Variants in RNF17 observed in about 807,000 individuals in gnomAD.
RNF17 encodes ring finger protein 17.
Under a neutral mutation model 200.5 loss-of-function variants are expected in RNF17, and 31 were observed. That is an observed-to-expected ratio of 0.15 (90% confidence interval 0.12 to 0.21). The LOEUF is 0.21. Among genes scored for constraint, RNF17 ranks in the 10% least tolerant of loss-of-function variants. The pLI is 1.00. For synonymous variants in RNF17, 606 were observed against 637.8 expected (o/e 0.95, Z 0.75); for missense variants, 1,628 against 1,905.1 (o/e 0.85, Z 2.71).
At chr13:24,881,733 T>TATCTA (rs1245713117), downstream of RNF17, among the ~76,000 whole-genome samples, 1 of 147,828 alleles carries the variant, frequency 6.8e-6, no homozygotes, top group African/African-American at 2.5e-5. Context: ...CTATCTAGAT[T>TATCTA]ATCTAGATCA....
chr13:24,864,244 G>A (rs1398454703), intron 28 of RNF17, among the ~76,000 whole-genome samples: 2 of 152,218 alleles, frequency 1.3e-5, no homozygotes, highest in African/African-American at 4.8e-5. Flanking sequence ...TGCATTGGCA[G>A]AAGAGGGAAT....
At chr13:24,852,230 C>G (rs1019043039) in intron 24 of RNF17, among the ~76,000 whole-genome samples, 6 of 151,660 alleles carry the variant, frequency 4.0e-5, no homozygotes, top group Admixed American at 2.6e-4. Flanking sequence ...GCTCCACCTC[C>G]CAGGTTCACG....
chr13:24,853,923 A>G lies in RNF17; in HGVS notation c.3389A>G (p.Asp1130Gly). 1.2e-6 allele frequency: 2 copies of G among 1,613,892 alleles called. No individual in the cohort carries two copies. Among genetic ancestry groups the G allele is most frequent in the Non-Finnish European group, 1.7e-6 (2 of 1,179,796 alleles). The change falls in exon 25 of 36, where the codon GAT (aspartate) becomes GGT (glycine). Residue 1130 changes from aspartate (D) to glycine (G), a missense_variant. Physicochemically the swap from Asp to Gly is moderately conservative, Grantham distance 94. Around this residue, in one of 5 missense-constraint regions of RNF17, gnomAD observed 609 missense variants for 681.9 expected, o/e 0.89. Coordinates refer to ENST00000255324, the MANE Select transcript of RNF17 (RefSeq NM_031277.3). ...CTGGAAGTCCCCCTGGAACAGGAAG[A>G]TTCAGTAGTTACTAACTGTATTAAA... ...KSLEVPLEQE[D>G]SVVTNCIKTN...
chr13:24,870,455 G>GT, intron 31 of RNF17, 116 bp from the exon 32 acceptor site: 1 of 746,852 alleles, frequency 1.3e-6, no homozygotes, highest in Non-Finnish European at 2.3e-6. Context: ...ATATCAGGAG[G>GT]TGTAGGGGTC....
chr13:24,848,664 A>G lies in RNF17; in HGVS notation c.3102-1677A>G, dbSNP rs549221990. On this transcript the variant is annotated intron_variant, in intron 22 of 35. Transcript: ENST00000255324. ...GGTGACACAGTGAGACTCTGTCTCA[A>G]AAAAATAAATAAAAAAATCACATTG... Among the ~76,000 whole-genome samples, 3 of 152,290 alleles carry G rather than the reference A, an allele frequency of 2.0e-5. No individual in the cohort carries two copies. The South Asian group carries it at 6.2e-4, about 32-fold the overall frequency.
intron 22 of RNF17, 83 bp downstream of exon 22, chr13:24,845,162 C>A: frequency 1.3e-6 from 1 of 762,788 alleles, no homozygotes; most frequent in Non-Finnish European, 2.1e-6. Context: ...CTAAGATATT[C>A]TGAAATTTTC....
chr13:24,822,503 C>T (rs1050330436), intron 15 of RNF17, among the ~76,000 whole-genome samples: 6 of 151,854 alleles, frequency 4.0e-5, no homozygotes, highest in South Asian at 2.1e-4. Flanking sequence ...CTGACTGCAA[C>T]GTGCACCTCC....
At chr13:24,789,141 C>T (rs1883515310) in intron 7 of RNF17, among the ~76,000 whole-genome samples, 1 of 152,074 alleles carries the variant, frequency 6.6e-6, no homozygotes, top group Admixed American at 6.6e-5. Context: ...GTAGCTCTAT[C>T]CTATTTCTTA....
At chr13:24,791,699 C>G (rs553432654) in intron 9 of RNF17, among the ~76,000 whole-genome samples, 1 of 152,234 alleles carries the variant, frequency 6.6e-6, no homozygotes, top group African/African-American at 2.4e-5. Context: ...ACAAATTAGT[C>G]TGGCTCACAG....
chr13:24,874,400 A>G (rs957064276), intron 33 of RNF17, 151 bp downstream of exon 33: 2 of 566,962 alleles, frequency 3.5e-6, no homozygotes, highest in Non-Finnish European at 5.6e-6. Context: ...TATACATAAA[A>G]TTTACCATTG....
the RNF17 span, among the ~76,000 whole-genome samples, chr13:24,886,569 G>A: frequency 6.6e-6 from 1 of 152,190 alleles, no homozygotes; most frequent in Non-Finnish European, 1.5e-5. Flanking sequence ...AGTACTGGGA[G>A]TACACAGGGG....
downstream of RNF17, among the ~76,000 whole-genome samples, chr13:24,881,006 A>G (rs747139358): frequency 2.6e-5 from 4 of 152,014 alleles, no homozygotes; most frequent in Non-Finnish European, 5.9e-5. Context: ...CCATTTTTCT[A>G]TTGAGTTATT....
chr13:24,866,445 TCTTC>T (rs1893631983), intron 30 of RNF17, among the ~76,000 whole-genome samples: 1 of 152,202 alleles, frequency 6.6e-6, no homozygotes, highest in Non-Finnish European at 1.5e-5. Context: ...CATTCTGCAT[TCTTC>T]CTTCCCTAGC....
chr13:24,846,700 T>TA (rs934914277), intron 22 of RNF17, among the ~76,000 whole-genome samples: 3 of 151,938 alleles, frequency 2.0e-5, no homozygotes, highest in Non-Finnish European at 2.9e-5. Flanking sequence ...GCTGATGAGC[T>TA]AAAAAAAATT....
the RNF17 span, among the ~76,000 whole-genome samples, chr13:24,754,451 T>A: frequency 6.6e-6 from 1 of 152,248 alleles, no homozygotes; most frequent in East Asian, 1.9e-4. Flanking sequence ...TCTGTTTCAT[T>A]TTCTTTCAGG....
intron 16 of RNF17, among the ~76,000 whole-genome samples, chr13:24,829,805 T>C (rs1368835868): frequency 6.6e-6 from 1 of 152,238 alleles, no homozygotes; most frequent in Non-Finnish European, 1.5e-5. Flanking sequence ...TTCTTTAAAG[T>C]ATAGAGAATA....
chr13:24,880,411 A>G (rs923301421), downstream of RNF17, among the ~76,000 whole-genome samples: 2 of 152,218 alleles, frequency 1.3e-5, no homozygotes, highest in Admixed American at 6.5e-5. Flanking sequence ...AACACAGCCA[A>G]AGCATATTAA....
chr13:24,834,704 G>T (rs2138055976), intron 18 of RNF17, among the ~76,000 whole-genome samples: 1 of 152,332 alleles, frequency 6.6e-6, no homozygotes, highest in South Asian at 2.1e-4. Flanking sequence ...CCCCCAAGCA[G>T]CCCATTCCTG....
At chr13:24,761,380 G>A (rs747358956), upstream of RNF17, among the ~76,000 whole-genome samples, 1 of 152,174 alleles carries the variant, frequency 6.6e-6, no homozygotes, top group Non-Finnish European at 1.5e-5. Context: ...GGTGCACAGG[G>A]CTAAGGGCAG....
Sources: allele counts gnomAD v4.1 joint callset (sites outside exome capture counted in the v4.1 genomes callset), GRCh38; gene constraint gnomAD v4.1.1; regional missense constraint gnomAD v4.1.1; transcripts MANE v1.5; gene names NCBI Gene and HGNC (gene_info 2026-07-23, HGNC 2026-07-21).